PLD5: variants seen among roughly 807,000 people sequenced by gnomAD.
PLD5 encodes the protein phospholipase D family member 5.
A neutral mutation model predicts 61.1 loss-of-function variants in PLD5; 36 were observed. The observed-to-expected ratio is 0.59, with a 90% confidence interval of 0.45 to 0.78. The LOEUF (loss-of-function observed/expected upper bound fraction) is 0.78. PLD5 is among the 30% of genes least tolerant of loss of function. PLD5 has a pLI of 0.00. For missense variants in PLD5, 515 were observed against 644.4 expected (o/e 0.80, Z 2.17); for synonymous variants, 243 against 242.8 (o/e 1.00, Z -0.01).
intron 1 of PLD5, among the ~76,000 whole-genome samples, chr1:242,471,842 G>A (rs1428751345): frequency 6.6e-6 from 1 of 152,170 alleles, no homozygotes. Flanking sequence ...GAAGAACCAA[G>A]ATTATGATTT....
At chr1:242,271,804 T>C (rs545262106) in intron 3 of PLD5, among the ~76,000 whole-genome samples, 102 of 152,098 alleles carry the variant, frequency 6.7e-4, no homozygotes, top group African/African-American at 2.2e-3. Flanking sequence ...AACAATACGA[T>C]ATGTACATGT....
intron 5 of PLD5, among the ~76,000 whole-genome samples, chr1:242,140,103 T>C (rs1392753324): frequency 6.6e-6 from 1 of 152,180 alleles, no homozygotes; most frequent in African/African-American, 2.4e-5. Flanking sequence ...GCCAGCATGA[T>C]GCCATCTTGA....
At chr1:242,481,139 A>G (rs1347252620) in intron 1 of PLD5, among the ~76,000 whole-genome samples, 2 of 152,182 alleles carry the variant, frequency 1.3e-5, no homozygotes, top group African/African-American at 2.4e-5. Flanking sequence ...TGAGCGATGC[A>G]GAAGACGAAT....
At chr1:242,135,442 T>C (rs1663640300) in intron 5 of PLD5, among the ~76,000 whole-genome samples, 1 of 152,198 alleles carries the variant, frequency 6.6e-6, no homozygotes, top group South Asian at 2.1e-4. Context: ...ATATGAAAAT[T>C]ACAAATGCAC....
chr1:242,320,655 G>A (rs1208801231), intron 2 of PLD5, among the ~76,000 whole-genome samples: 1 of 152,110 alleles, frequency 6.6e-6, no homozygotes, highest in Non-Finnish European at 1.5e-5. Flanking sequence ...GAGCCTTTGA[G>A]ACATGATAAT....
Position 242,083,466 on chromosome 1 carries a change from C to T in PLD5, c.*6388G>A, listed in dbSNP as rs1303915695. On this transcript the variant is annotated 3_prime_UTR_variant, in exon 10 of 10. Coordinates refer to ENST00000536534, the MANE Select transcript of PLD5 (RefSeq NM_001372062.1). The stretch of plus-strand genomic sequence containing the variant: ...TGCAGGAGCTGTGGAGGTAGGGTCT[C>T]TCCAAGACACCAGGAAAACTATAGA... 6.6e-6 allele frequency: 1 copy of T among 152,116 alleles called. No homozygotes were observed. Among genetic ancestry groups the T allele is most frequent in the African/African-American group, 2.4e-5 (1 of 41,426 alleles). 9.4% of individuals were successfully genotyped at this position (152,116 alleles called of 1,614,324 possible). A position where few individuals can be genotyped will look rare whatever the true frequency, so the allele number is the denominator to read the frequency against.
intron 4 of PLD5, among the ~76,000 whole-genome samples, chr1:242,223,476 A>G (rs1445434637): frequency 2.6e-5 from 4 of 152,218 alleles, no homozygotes; most frequent in Non-Finnish European, 5.9e-5. Flanking sequence ...AGAGCAGGAA[A>G]GATAGTAAAT....
At chr1:242,482,184 A>G (rs1667801079) in intron 1 of PLD5, among the ~76,000 whole-genome samples, 1 of 152,262 alleles carries the variant, frequency 6.6e-6, no homozygotes, top group Non-Finnish European at 1.5e-5. Flanking sequence ...ACTCCTCACC[A>G]GCAACAGAAC....
At chr1:242,346,934 G>A (rs1660171979) in intron 2 of PLD5, among the ~76,000 whole-genome samples, 1 of 152,182 alleles carries the variant, frequency 6.6e-6, no homozygotes, top group African/African-American at 2.4e-5. Context: ...GCATTAGCTT[G>A]CTAAGGATAA....
chr1:242,236,560 A>AC (rs989983761), intron 4 of PLD5, among the ~76,000 whole-genome samples: 3 of 152,118 alleles, frequency 2.0e-5, no homozygotes, highest in East Asian at 1.9e-4. Flanking sequence ...ACAAAAAAAA[A>AC]CTCACAAGCA....
chr1:242,396,040 C>T (rs966160136), intron 1 of PLD5, among the ~76,000 whole-genome samples: 7 of 151,730 alleles, frequency 4.6e-5, no homozygotes, highest in Non-Finnish European at 7.4e-5. Context: ...AAGAATGAGA[C>T]TCCATCTCAA....
intron 1 of PLD5, among the ~76,000 whole-genome samples, chr1:242,438,540 G>A (rs1371242492): frequency 1.6e-4 from 24 of 151,374 alleles, no homozygotes; most frequent in Admixed American, 1.6e-3. Context: ...TGCCTCCTGG[G>A]TTCAAGCGAC....
chr1:242,157,810 A>T (rs1665506380), intron 5 of PLD5, among the ~76,000 whole-genome samples: 1 of 152,148 alleles, frequency 6.6e-6, no homozygotes, highest in Non-Finnish European at 1.5e-5. Flanking sequence ...CTACTTGAGG[A>T]GGCAGTCTGA....
chr1:242,223,502 C>G (rs1406197564), intron 4 of PLD5, among the ~76,000 whole-genome samples: 1 of 152,132 alleles, frequency 6.6e-6, no homozygotes, highest in African/African-American at 2.4e-5. Context: ...CACAGTCTGC[C>G]CAGGGCCCCA....
At chr1:242,174,874 G>A (rs1156716680) in intron 5 of PLD5, among the ~76,000 whole-genome samples, 3 of 152,084 alleles carry the variant, frequency 2.0e-5, no homozygotes, top group Admixed American at 2.0e-4. Flanking sequence ...ATAGGAAGGG[G>A]AACGTCACAC....
intron 5 of PLD5, among the ~76,000 whole-genome samples, chr1:242,182,797 C>T (rs545330182): frequency 2.0e-5 from 3 of 152,162 alleles, no homozygotes; most frequent in South Asian, 4.1e-4. Context: ...GAGGCAAGAT[C>T]GCGCCACTGC....
At chr1:242,133,900 G>A (rs1663498972) in intron 5 of PLD5, among the ~76,000 whole-genome samples, 1 of 152,202 alleles carries the variant, frequency 6.6e-6, no homozygotes, top group African/African-American at 2.4e-5. Flanking sequence ...GTTATTTCTT[G>A]CAGTACTTTA....
chr1:242,161,679 G>T (rs1158781977), intron 5 of PLD5, among the ~76,000 whole-genome samples: 1 of 152,146 alleles, frequency 6.6e-6, no homozygotes, highest in Non-Finnish European at 1.5e-5. Context: ...AGTTGATTCT[G>T]ACTTAGGAAC....
intron 1 of PLD5, among the ~76,000 whole-genome samples, chr1:242,456,855 T>C (rs1666958411): frequency 6.6e-6 from 1 of 152,208 alleles, no homozygotes. Context: ...CTCTTCAGGT[T>C]ACCAAAATCC....
Sources: allele counts gnomAD v4.1 joint callset (sites outside exome capture counted in the v4.1 genomes callset), GRCh38; gene constraint gnomAD v4.1.1; transcripts MANE v1.5; gene names NCBI Gene and HGNC (gene_info 2026-07-23, HGNC 2026-07-21).